Variants in MAGEB10 observed in about 807,000 individuals in gnomAD.
MAGEB10 encodes the protein melanoma-associated antigen B10.
For synonymous variants in MAGEB10, 99 were observed against 101.0 expected (o/e 0.98, Z 0.12); for missense variants, 190 against 261.9 (o/e 0.73, Z 1.89).
intron 1 of MAGEB10, among the ~76,000 whole-genome samples, chrX:27,808,256 T>A (rs776936873): frequency 2.7e-4 from 30 of 111,235 alleles, no homozygotes; most frequent in African/African-American, 9.5e-4. Context: ...AACCCTCCAG[T>A]AGTCAATAAA....
intron 1 of MAGEB10, among the ~76,000 whole-genome samples, chrX:27,808,311 CG>C (rs1923586575): frequency 9.0e-6 from 1 of 111,507 alleles, no homozygotes; most frequent in African/African-American, 3.3e-5. Context: ...GAATTAGGAG[CG>C]AAAACATGGA....
intron 1 of MAGEB10, among the ~76,000 whole-genome samples, chrX:27,814,722 T>C (rs551861181): frequency 4.5e-5 from 5 of 111,950 alleles, no homozygotes; most frequent in African/African-American, 1.6e-4. Context: ...TCAAGGTCAC[T>C]TCACAAAAAG....
chrX:27,808,631 G>A (rs912077235), intron 1 of MAGEB10, among the ~76,000 whole-genome samples: 30 of 110,725 alleles, frequency 2.7e-4, no homozygotes, highest in African/African-American at 8.9e-4. Context: ...GCCTTAAGCC[G>A]AAAAAACCCC....
At chrX:27,811,365 C>T (rs1234045831) in intron 1 of MAGEB10, among the ~76,000 whole-genome samples, 2 of 111,333 alleles carry the variant, frequency 1.8e-5, no homozygotes, top group African/African-American at 6.5e-5. Flanking sequence ...TCTCACCGAT[C>T]TCTGCATTGC....
intron 1 of MAGEB10, among the ~76,000 whole-genome samples, chrX:27,808,439 G>A (rs1024596304): frequency 1.8e-5 from 2 of 111,836 alleles, no homozygotes; most frequent in Non-Finnish European, 3.8e-5. Flanking sequence ...CAGGATGCCC[G>A]GATGTCACAC....
chrX:27,820,246 A>G (rs1923857895), intron 2 of MAGEB10, among the ~76,000 whole-genome samples: 1 of 112,033 alleles, frequency 8.9e-6, no homozygotes, highest in Non-Finnish European at 1.9e-5. Context: ...TCTGAATTCC[A>G]TTACTGCTTT....
At chrX:27,818,349 T>C (rs1453922587) in intron 2 of MAGEB10, among the ~76,000 whole-genome samples, 1 of 110,911 alleles carries the variant, frequency 9.0e-6, no homozygotes, top group Non-Finnish European at 1.9e-5. Flanking sequence ...CCCTTGAGTA[T>C]GTGGCCCTCC....
intron 1 of MAGEB10, among the ~76,000 whole-genome samples, chrX:27,809,199 G>A (rs1023065615): frequency 5.4e-5 from 6 of 111,267 alleles, no homozygotes; most frequent in Non-Finnish European, 9.5e-5. Context: ...GCAAGTTCCC[G>A]GTGGGCATGA....
At chrX:27,809,355 C>T (rs1461840734) in intron 1 of MAGEB10, among the ~76,000 whole-genome samples, 1 of 95,985 alleles carries the variant, frequency 1.0e-5, no homozygotes, top group Non-Finnish European at 2.1e-5. Context: ...GGACCTGCAG[C>T]CCGCCATTCC....
chrX:27,817,312 A>G, intron 1 of MAGEB10, among the ~76,000 whole-genome samples: 1 of 110,480 alleles, frequency 9.1e-6, no homozygotes, highest in East Asian at 2.8e-4. Context: ...TAGTGTATGT[A>G]TTCTTGTTGC....
intron 1 of MAGEB10, among the ~76,000 whole-genome samples, chrX:27,811,025 G>A (rs1365418388): frequency 9.7e-6 from 1 of 103,018 alleles, no homozygotes; most frequent in Non-Finnish European, 2.0e-5. Flanking sequence ...ATATCAAGTG[G>A]AAGAGGGCCT....
Position 27,821,459 on chromosome X carries a change from G to C in MAGEB10, c.153G>C (p.Gln51His), listed in dbSNP as rs755944045. 5.0e-6 allele frequency: 6 copies of C among 1,211,531 alleles called. No homozygotes were observed. The highest frequency in any genetic ancestry group is 4.5e-6 in the Non-Finnish European group (4 of 895,491). ...SASACLKDVF[Q>H]SSLDGASNNP... ...CTGCTTGTTTGAAGGATGTTTTCCA[G>C]AGTTCACTTGATGGGGCATCCAACA... Residue 51 changes from glutamine (Q) to histidine (H), a missense_variant, in exon 3 of 3, where the codon CAG becomes CAC. Coordinates refer to ENST00000356790, the MANE Select transcript of MAGEB10 (RefSeq NM_182506.3).
intron 1 of MAGEB10, chrX:27,812,360 G>A: frequency 7.1e-6 from 1 of 141,687 alleles, no homozygotes; most frequent in Non-Finnish European, 1.4e-5. Context: ...CTGATCACCT[G>A]GAGTTGGTCT....
chrX:27,809,102 C>T (rs776710445), intron 1 of MAGEB10, among the ~76,000 whole-genome samples: 177 of 112,160 alleles, frequency 1.6e-3, no homozygotes, highest in Non-Finnish European at 2.5e-3. Context: ...TGGCCAAGGC[C>T]GGAGCCGGCT....
At chrX:27,820,089 A>G (rs964974095) in intron 2 of MAGEB10, among the ~76,000 whole-genome samples, 1 of 110,908 alleles carries the variant, frequency 9.0e-6, no homozygotes, top group Non-Finnish European at 1.9e-5. Flanking sequence ...AGCAGATAAG[A>G]GTCCCAGGCC....
At chrX:27,809,378 A>ACCCCCCCAACCCCGCCATC (rs1923612520) in intron 1 of MAGEB10, among the ~76,000 whole-genome samples, 7 of 21,611 alleles carry the variant, frequency 3.2e-4, no homozygotes, top group African/African-American at 9.8e-4. Context: ...AGCCTCTCCC[A>ACCCCCCCAACCCCGCCATC]CCCCCCCAAC....
rs1027762379 is a variant in MAGEB10, at chrX:27,816,043, G to T, written c.-198-1511G>T. The stretch of plus-strand genomic sequence containing the variant: ...CCAGGCCTGTGTCCAGTCTTTGCAT[G>T]TGGGCCTCTACTTTTGAGTCAGACT... On this transcript the variant is annotated intron_variant, in intron 1 of 2. Coordinates refer to ENST00000356790, the MANE Select transcript of MAGEB10 (RefSeq NM_182506.3). 1.6e-4 allele frequency among the ~76,000 whole-genome samples: 18 copies of T among 111,243 alleles called. No homozygotes were observed. In the Admixed American group the frequency reaches 1.6e-3, roughly 10 times the overall value.
chrX:27,818,124 C>T (rs1045476822), intron 2 of MAGEB10, among the ~76,000 whole-genome samples: 9 of 111,099 alleles, frequency 8.1e-5, no homozygotes, highest in African/African-American at 2.9e-4. Flanking sequence ...TGTCCAGAGG[C>T]GTGCTCTGCT....
In MAGEB10 at chrX:27,821,972, A is replaced by G; in HGVS notation, c.666A>G (p.Glu222=). 8.3e-7 allele frequency: 1 copy of G among 1,211,833 alleles called. No individual in the cohort carries two copies. The highest frequency in any genetic ancestry group is 1.1e-6 in the Non-Finnish European group (1 of 895,559). ...ATGGCAATTGTGTCGCTGAGGAGGA[A>G]GTCTGGAAAGTGTTTAACACGATGG... ...FTNGNCVAEE[E]VWKVFNTMGL... is the part of the protein sequence containing the mutation. The change falls in exon 3 of 3, where the codon GAA becomes GAG. Residue 222 remains glutamate, a synonymous_variant. Coordinates refer to ENST00000356790, the MANE Select transcript of MAGEB10 (RefSeq NM_182506.3).
Sources: gnomAD v4.1 joint callset for allele counts (sites outside exome capture counted in the v4.1 genomes callset) on GRCh38, gnomAD v4.1.1 for gene constraint, MANE v1.5 for transcripts, NCBI Gene and HGNC (gene_info 2026-07-23, HGNC 2026-07-21) for gene names.